The following FOXJ3 variants were observed in gnomAD, a reference collection of about 807,000 sequenced individuals.
FOXJ3 encodes forkhead box J3.
In FOXJ3, 22 loss-of-function variants were observed where a neutral mutation model predicts 76.1. The observed-to-expected ratio is 0.29, with a 90% CI of 0.21 to 0.41. The LOEUF (loss-of-function observed/expected upper bound fraction) is 0.41, where lower values mean the gene tolerates loss of function less well. Ranked by LOEUF, FOXJ3 falls within the 10% of genes least tolerant of loss-of-function variation. FOXJ3 has a pLI of 1.00. For synonymous variants in FOXJ3, 269 were observed against 261.2 expected (o/e 1.03, Z -0.29); for missense variants, 613 against 762.1 (o/e 0.80, Z 2.30).
At chr1:42,263,875 G>A (rs1362965520) in intron 4 of FOXJ3, among the ~76,000 whole-genome samples, 1 of 148,656 alleles carries the variant, frequency 6.7e-6, no homozygotes, top group Non-Finnish European at 1.5e-5. Flanking sequence ...AGATTTTAAG[G>A]GCAGTAGATA....
intron 1 of FOXJ3, among the ~76,000 whole-genome samples, chr1:42,315,187 G>C (rs1164119408): frequency 6.6e-6 from 1 of 152,198 alleles, no homozygotes; most frequent in Non-Finnish European, 1.5e-5. Flanking sequence ...GGGAAGAGAG[G>C]AAGATTGCAG....
chr1:42,207,395 T>C (rs1006669235), intron 5 of FOXJ3, among the ~76,000 whole-genome samples: 3 of 152,228 alleles, frequency 2.0e-5, no homozygotes, highest in Non-Finnish European at 4.4e-5. Flanking sequence ...AGAGTTAACA[T>C]GGGTGTTAAA....
At chr1:42,258,783 A>C (rs1268538190) in intron 4 of FOXJ3, among the ~76,000 whole-genome samples, 1 of 152,200 alleles carries the variant, frequency 6.6e-6, no homozygotes, top group Non-Finnish European at 1.5e-5. Context: ...TTGCTTTTAA[A>C]TCATAGTGCC....
intron 5 of FOXJ3, among the ~76,000 whole-genome samples, chr1:42,210,421 C>T (rs1475965864): frequency 6.6e-6 from 1 of 152,168 alleles, no homozygotes; most frequent in East Asian, 1.9e-4. Context: ...AAGCACAAAT[C>T]CCACCACTAC....
chr1:42,217,565 A>AAT (rs1300355279), intron 5 of FOXJ3, among the ~76,000 whole-genome samples: 1 of 152,174 alleles, frequency 6.6e-6, no homozygotes, highest in Non-Finnish European at 1.5e-5. Context: ...TGAAAAACAA[A>AAT]ATACTCCGGA....
intron 3 of FOXJ3, among the ~76,000 whole-genome samples, chr1:42,266,003 G>A (rs888479548): frequency 2.6e-5 from 4 of 152,108 alleles, no homozygotes; most frequent in Non-Finnish European, 5.9e-5. Flanking sequence ...TCAATTAAAT[G>A]CTCCAAAACC....
chr1:42,287,055 G>A (rs1269253016), intron 2 of FOXJ3, among the ~76,000 whole-genome samples: 1 of 152,002 alleles, frequency 6.6e-6, no homozygotes, highest in East Asian at 1.9e-4. Flanking sequence ...AAAAGAAAAA[G>A]TTGGCTGGGA....
At chr1:42,236,246 T>C (rs1053875047) in intron 4 of FOXJ3, among the ~76,000 whole-genome samples, 1 of 152,200 alleles carries the variant, frequency 6.6e-6, no homozygotes, top group African/African-American at 2.4e-5. Context: ...TGGAACACAG[T>C]GGCACACAAT....
intron 4 of FOXJ3, among the ~76,000 whole-genome samples, chr1:42,229,888 G>C (rs1252893099): frequency 2.0e-5 from 3 of 152,186 alleles, no homozygotes; most frequent in Non-Finnish European, 4.4e-5. Flanking sequence ...TCATAGAAAT[G>C]ACAAATTCCA....
At chr1:42,280,428 TCA>T in intron 2 of FOXJ3, 1 of 180,818 alleles carries the variant, frequency 5.5e-6, no homozygotes, top group Non-Finnish European at 8.0e-6. Context: ...TATAGCATCT[TCA>T]GAGATCTTAA....
Position 42,278,684 on chromosome 1 carries a change from T to C in FOXJ3, c.45-12A>G, listed in dbSNP as rs201539295. ...GTTCAGATGTCATCCTGAAGGTAAA[T>C]AGACTCCTTAGTCAATATCAAGGAA... On this transcript the variant is annotated splice_polypyrimidine_tract_variant and intron_variant, in intron 2 of 12. Coordinates refer to ENST00000361346, the MANE Select transcript of FOXJ3 (RefSeq NM_014947.5). 381 of 1,580,728 alleles carry C rather than the reference T, an allele frequency of 2.4e-4. No individual in the cohort carries two copies. The highest frequency in any genetic ancestry group is 3.0e-4 in the Non-Finnish European group (344 of 1,152,890).
chr1:42,321,255 C>T (rs1655410808), intron 1 of FOXJ3, among the ~76,000 whole-genome samples: 3 of 152,110 alleles, frequency 2.0e-5, no homozygotes, highest in Admixed American at 1.3e-4. Flanking sequence ...TTTAGGACAA[C>T]GGTTTCCTAT....
At chr1:42,290,338 A>G (rs565192414) in intron 2 of FOXJ3, among the ~76,000 whole-genome samples, 6 of 152,250 alleles carry the variant, frequency 3.9e-5, no homozygotes, top group African/African-American at 1.4e-4. Context: ...GTTAATATCT[A>G]AACAAACAGA....
At chr1:42,287,978 TA>T (rs1185037619) in intron 2 of FOXJ3, among the ~76,000 whole-genome samples, 1 of 151,820 alleles carries the variant, frequency 6.6e-6, no homozygotes, top group Admixed American at 6.6e-5. Context: ...AAAAATAAAA[TA>T]AAAATAGAAC....
chr1:42,311,713 C>A (rs1336620109), intron 1 of FOXJ3, among the ~76,000 whole-genome samples: 1 of 139,778 alleles, frequency 7.2e-6, no homozygotes, highest in African/African-American at 2.6e-5. Flanking sequence ...ACTTTGAATT[C>A]AAATTCTAGA....
At chr1:42,192,028 A>C (rs1402777580) in intron 8 of FOXJ3, among the ~76,000 whole-genome samples, 1 of 152,214 alleles carries the variant, frequency 6.6e-6, no homozygotes, top group East Asian at 1.9e-4. Flanking sequence ...GAAAATATAG[A>C]GAAGCCTTTC....
intron 4 of FOXJ3, among the ~76,000 whole-genome samples, chr1:42,249,967 T>G (rs1303944033): frequency 6.6e-6 from 1 of 152,208 alleles, no homozygotes; most frequent in African/African-American, 2.4e-5. Context: ...TGAAATACTA[T>G]TTTAGATACC....
chr1:42,192,856 G>C (rs999314684), intron 8 of FOXJ3, among the ~76,000 whole-genome samples: 3 of 151,748 alleles, frequency 2.0e-5, no homozygotes, highest in African/African-American at 7.3e-5. Context: ...TAGTAAAACT[G>C]TATTTGTGTT....
intron 5 of FOXJ3, among the ~76,000 whole-genome samples, chr1:42,219,657 T>A (rs1391721564): frequency 1.3e-5 from 2 of 152,186 alleles, no homozygotes; most frequent in African/African-American, 4.8e-5. Flanking sequence ...AATCTAAAGT[T>A]TTGGGTGCCC....
Sources: allele counts gnomAD v4.1 joint callset (sites outside exome capture counted in the v4.1 genomes callset), GRCh38; gene constraint gnomAD v4.1.1; transcripts MANE v1.5; gene names NCBI Gene and HGNC (gene_info 2026-07-23, HGNC 2026-07-21).